VPS45: variants seen among roughly 807,000 people sequenced by gnomAD.
The protein encoded by VPS45 is vacuolar protein sorting-associated protein 45.
In VPS45, 35 loss-of-function variants were observed where a neutral mutation model predicts 75.9. The ratio of observed to expected loss-of-function variants is 0.46; its 90% CI spans 0.35 to 0.61. VPS45 has a LOEUF of 0.61. Among genes scored for constraint, VPS45 ranks in the 20% least tolerant of loss-of-function variants. The probability of loss-of-function intolerance (pLI) is 0.00; values close to 1 mark genes in which losing one functional copy is unlikely to be tolerated. For missense variants in VPS45, 559 were observed against 685.9 expected (o/e 0.81, Z 2.07); for synonymous variants, 220 against 238.2 (o/e 0.92, Z 0.70).
intron 12 of VPS45, 132 bp downstream of exon 12, chr1:150,092,541 T>TA: frequency 1.4e-6 from 1 of 692,400 alleles, no homozygotes; most frequent in Non-Finnish European, 2.2e-6. Context: ...TAAATGAAAT[T>TA]AAAACTGGCA....
At chr1:150,096,419 A>T (rs587618824) in intron 13 of VPS45, among the ~76,000 whole-genome samples, 1 of 152,210 alleles carries the variant, frequency 6.6e-6, no homozygotes, top group Non-Finnish European at 1.5e-5. Context: ...TTTTGAATTC[A>T]AGATTTCATA....
chr1:150,074,483 A>G (rs1655257736), intron 3 of VPS45, among the ~76,000 whole-genome samples: 1 of 152,222 alleles, frequency 6.6e-6, no homozygotes, highest in South Asian at 2.1e-4. Flanking sequence ...AGGACATATG[A>G]GTTATTTCCA....
intron 13 of VPS45, among the ~76,000 whole-genome samples, chr1:150,104,542 CT>C (rs1657214253): frequency 6.6e-6 from 1 of 152,072 alleles, no homozygotes; most frequent in African/African-American, 2.4e-5. Context: ...AGTGGGATTT[CT>C]GGGTCAAATG....
At chr1:150,095,583 C>A (rs956560467) in intron 13 of VPS45, among the ~76,000 whole-genome samples, 1 of 147,394 alleles carries the variant, frequency 6.8e-6, no homozygotes, top group Admixed American at 6.9e-5. Context: ...CCGTTGCACT[C>A]GAGCCTGGGC....
At position 150,076,240 on chromosome 1, in the gene VPS45, T is replaced by C; in HGVS notation, c.297T>C (p.Ser99=). 1.9e-6 allele frequency: 3 copies of C among 1,602,996 alleles called. No homozygotes were observed. The highest frequency in any genetic ancestry group is 2.6e-6 in the Non-Finnish European group (3 of 1,173,568). ...CCAACTCATGTGTTTCAGATTTCAG[T>C]AATGTGATCAGCAAGAGTGACGTGA... is the stretch of plus-strand genomic sequence containing the variant. ...PKYTIYFIYF[S]NVISKSDVKS... is the part of the protein sequence containing the mutation. The change falls in exon 4 of 15, where the codon AGT becomes AGC. Residue 99 remains serine, a synonymous_variant. Transcript: ENST00000644510.
intron 10 of VPS45, among the ~76,000 whole-genome samples, chr1:150,090,021 G>T (rs1656244197): frequency 1.3e-5 from 2 of 152,188 alleles, no homozygotes; most frequent in South Asian, 4.1e-4. Context: ...TCCCTAGTCA[G>T]TGTGAACAGA....
rs1255574127 is a variant in VPS45, at chr1:150,093,767, AG to A, written c.1493+120del. On this transcript the variant is annotated intron_variant, in intron 13 of 14. Transcript: ENST00000644510. Reference sequence around the variant, plus strand: ...ATTCTGCTGCTCCTTTCTTCTGTTAAGATTCTTTTGGTTTTACATATGTCAG... The same window carrying A: ...ATTCTGCTGCTCCTTTCTTCTGTTAAATTCTTTTGGTTTTACATATGTCAG... 8.4e-6 allele frequency: 11 copies of A among 1,312,830 alleles called. No individual in the cohort carries two copies. The Admixed American group carries it at 1.0e-4, about 12-fold the overall frequency. The allele number at this position is 1,312,830 out of a possible 1,614,324, so 81.3% of individuals were successfully genotyped here. A position where few individuals can be genotyped will look rare whatever the true frequency, so the allele number is the denominator to read the frequency against.
chr1:150,120,754 AT>A (rs1348224189), intron 14 of VPS45, among the ~76,000 whole-genome samples: 4 of 152,074 alleles, frequency 2.6e-5, no homozygotes, highest in Non-Finnish European at 5.9e-5. Flanking sequence ...ATTAGCTGTA[AT>A]TGTGATTATC....
chr1:150,107,403 C>T (rs1178478505), intron 13 of VPS45, among the ~76,000 whole-genome samples: 1 of 152,230 alleles, frequency 6.6e-6, no homozygotes, highest in Non-Finnish European at 1.5e-5. Flanking sequence ...CCTCCACATT[C>T]AGTCATTGAC....
chr1:150,074,018 T>G (rs587606391), intron 3 of VPS45, among the ~76,000 whole-genome samples: 4,025 of 149,826 alleles, frequency 0.027, 176 homozygotes, highest in African/African-American at 0.093. Context: ...TTGTTTTTGT[T>G]TTTTTTTTTT....
intron 14 of VPS45, among the ~76,000 whole-genome samples, chr1:150,137,500 A>G (rs1553814060): frequency 6.6e-6 from 1 of 152,208 alleles, no homozygotes; most frequent in East Asian, 1.9e-4. Flanking sequence ...AGCTGGGGCT[A>G]GCTCTTCCAC....
At chr1:150,120,207 G>A (rs587742069) in intron 14 of VPS45, among the ~76,000 whole-genome samples, 1 of 152,236 alleles carries the variant, frequency 6.6e-6, no homozygotes, top group African/African-American at 2.4e-5. Context: ...ATCACTTAAT[G>A]TAATGGGTAG....
intron 14 of VPS45, 59 bp downstream of exon 14, chr1:150,110,686 TTCCC>T (rs1657602382): frequency 6.7e-7 from 1 of 1,493,782 alleles, no homozygotes; most frequent in Non-Finnish European, 9.0e-7. Context: ...AAAGCTTAAA[TTCCC>T]TTTATGTTGG....
At chr1:150,097,395 G>T (rs1213150940) in intron 13 of VPS45, among the ~76,000 whole-genome samples, 3 of 151,594 alleles carry the variant, frequency 2.0e-5, no homozygotes, top group African/African-American at 4.8e-5. Context: ...ATGAGCCACT[G>T]TGCCCAGCCA....
intron 14 of VPS45, among the ~76,000 whole-genome samples, chr1:150,137,915 CAAAAAAAAAAA>C (rs61104098): frequency 1.1e-5 from 1 of 92,452 alleles, no homozygotes; most frequent in Non-Finnish European, 1.9e-5. Flanking sequence ...ACTCCGTCTC[CAAAAAAAAAAA>C]AAAAAAAAAC....
intron 14 of VPS45, among the ~76,000 whole-genome samples, chr1:150,139,619 C>G (rs1659279437): frequency 6.6e-6 from 1 of 152,134 alleles, no homozygotes; most frequent in Admixed American, 6.6e-5. Context: ...ATGATCATAG[C>G]TCACTGCAGT....
At chr1:150,108,197 T>TA (rs1161338581) in intron 13 of VPS45, among the ~76,000 whole-genome samples, 3 of 152,188 alleles carry the variant, frequency 2.0e-5, no homozygotes, top group Non-Finnish European at 4.4e-5. Flanking sequence ...AAATGTCAAG[T>TA]AAACAGGTAT....
At chr1:150,109,083 GTA>G (rs1657497998) in intron 13 of VPS45, 1 of 152,302 alleles carries the variant, frequency 6.6e-6, no homozygotes, top group Non-Finnish European at 1.5e-5. Flanking sequence ...CCAGGCTGGA[GTA>G]TGGTGGCACG....
At chr1:150,092,858 T>TC (rs1168430039) in intron 12 of VPS45, among the ~76,000 whole-genome samples, 2 of 147,006 alleles carry the variant, frequency 1.4e-5, no homozygotes, top group African/African-American at 5.0e-5. Flanking sequence ...TTTTTTTTTT[T>TC]TGAGACGGAG....
Sources: allele counts gnomAD v4.1 joint callset (sites outside exome capture counted in the v4.1 genomes callset), GRCh38; gene constraint gnomAD v4.1.1; transcripts MANE v1.5; gene names NCBI Gene and HGNC (gene_info 2026-07-23, HGNC 2026-07-21).